Variants in HSD17B4 observed in about 807,000 individuals in gnomAD.
HSD17B4 encodes the protein hydroxysteroid 17-beta dehydrogenase 4, also known as peroxisomal multifunctional enzyme type 2.
In HSD17B4, 70 loss-of-function variants were observed where a neutral mutation model predicts 101.0. The ratio of observed to expected loss-of-function variants is 0.69; its 90% CI spans 0.57 to 0.85. The LOEUF is 0.85. Ranked by LOEUF, HSD17B4 falls within the 40% of genes least tolerant of loss-of-function variation. HSD17B4 has a pLI of 0.00. For missense variants in HSD17B4, 984 were observed against 892.4 expected (o/e 1.10, Z -1.31); for synonymous variants, 347 against 297.1 (o/e 1.17, Z -1.73).
chr5:119,536,585 T>C lies in HSD17B4; in HGVS notation c.2121+35T>C, dbSNP rs762000173. 3 of 1,605,788 alleles carry C rather than the reference T, an allele frequency of 1.9e-6. No homozygotes were observed. In the South Asian group the frequency reaches 3.3e-5, roughly 18 times the overall value. The stretch of plus-strand genomic sequence containing the variant: ...TCAAATGTTCATTTATTCATTGTTT[T>C]ATTGTTTCCTCTTTTGACAATTGCA... On this transcript the variant is annotated intron_variant, in intron 23 of 23. Transcript: ENST00000510025.
intron 2 of HSD17B4, among the ~76,000 whole-genome samples, chr5:119,465,064 G>A (rs908502248): frequency 1.3e-5 from 2 of 151,546 alleles, no homozygotes; most frequent in African/African-American, 4.9e-5. Context: ...TGGTTCCCTG[G>A]TTGTCTAGTG....
intron 9 of HSD17B4, among the ~76,000 whole-genome samples, chr5:119,490,054 A>G (rs1411862090): frequency 6.6e-6 from 1 of 152,044 alleles, no homozygotes; most frequent in Non-Finnish European, 1.5e-5. Flanking sequence ...ATCTGTGGTA[A>G]TAATGAACCT....
At chr5:119,455,574 A>C (rs968513181) in intron 1 of HSD17B4, among the ~76,000 whole-genome samples, 15 of 148,940 alleles carry the variant, frequency 1.0e-4, no homozygotes, top group African/African-American at 3.5e-4. Flanking sequence ...CTCTCTATAT[A>C]TATATATATA....
chr5:119,538,653 T>C (rs1473888697), intron 23 of HSD17B4, among the ~76,000 whole-genome samples: 1 of 152,172 alleles, frequency 6.6e-6, no homozygotes, highest in African/African-American at 2.4e-5. Context: ...ACTTGCCCCA[T>C]CACCTGTAAT....
chr5:119,535,340 T>A (rs946739908), intron 22 of HSD17B4, among the ~76,000 whole-genome samples: 2 of 152,040 alleles, frequency 1.3e-5, no homozygotes, highest in Middle Eastern at 3.4e-3. Context: ...TTATTATTCA[T>A]TACTAAAATG....
chr5:119,514,477 A>G (rs1752440837), intron 16 of HSD17B4, among the ~76,000 whole-genome samples: 1 of 152,190 alleles, frequency 6.6e-6, no homozygotes, highest in Admixed American at 6.5e-5. Context: ...TACTTTGTAG[A>G]TGTTGCAGAC....
At chr5:119,521,954 T>C (rs1753151190) in intron 17 of HSD17B4, among the ~76,000 whole-genome samples, 1 of 151,958 alleles carries the variant, frequency 6.6e-6, no homozygotes, top group East Asian at 1.9e-4. Context: ...ATTTTTATTA[T>C]ACTTTAAGTT....
Position 119,502,048 on chromosome 5 carries a change from A to T in HSD17B4, c.1217A>T (p.His406Leu), listed in dbSNP as rs745847164. The T allele has an allele frequency of 4.4e-6, 7 of 1,604,758 alleles. No individual in the cohort carries two copies. The South Asian group carries it at 7.7e-5, about 18-fold the overall frequency. ...TTGTTTACCCTAACATAGGTTCTTC[A>T]TGGAGAGCAGTACTTAGAGTTATAT... ...GLSINFAKVLHGEQYLELYKP... is the reference protein window; with the variant it reads ...GLSINFAKVLLGEQYLELYKP... Residue 406 changes from histidine to leucine, a missense_variant, in exon 14 of 24, where the codon CAT (histidine) becomes CTT (leucine). His to Leu is a moderately conservative substitution (Grantham distance 99). Transcript: ENST00000510025.
At chr5:119,534,627 A>T (rs568877609) in intron 22 of HSD17B4, among the ~76,000 whole-genome samples, 1 of 152,220 alleles carries the variant, frequency 6.6e-6, no homozygotes, top group South Asian at 2.1e-4. Context: ...CTCAACTTGG[A>T]TATAAACTAA....
chr5:119,486,282 A>G (rs542124934), intron 8 of HSD17B4, among the ~76,000 whole-genome samples: 7 of 152,296 alleles, frequency 4.6e-5, no homozygotes, highest in Middle Eastern at 3.4e-3. Flanking sequence ...TACACTGTGA[A>G]AAAGGACTAC....
chr5:119,536,594 C>G, intron 23 of HSD17B4, 44 bp downstream of exon 23: 1 of 1,599,660 alleles, frequency 6.3e-7, no homozygotes, highest in Non-Finnish European at 8.6e-7. Flanking sequence ...TTATTGTTTC[C>G]TCTTTTGACA....
At chr5:119,504,393 C>T (rs1438398517) in intron 14 of HSD17B4, among the ~76,000 whole-genome samples, 1 of 152,164 alleles carries the variant, frequency 6.6e-6, no homozygotes, top group Non-Finnish European at 1.5e-5. Flanking sequence ...TTTACATTCC[C>T]TCCAACAGTG....
At chr5:119,511,648 G>C (rs1414742066) in intron 16 of HSD17B4, among the ~76,000 whole-genome samples, 1 of 152,014 alleles carries the variant, frequency 6.6e-6, no homozygotes, top group Non-Finnish European at 1.5e-5. Flanking sequence ...TCATCGTAGG[G>C]TGACTGCACC....
intron 22 of HSD17B4, among the ~76,000 whole-genome samples, chr5:119,533,769 T>C (rs1754312057): frequency 6.6e-6 from 1 of 152,112 alleles, no homozygotes; most frequent in African/African-American, 2.4e-5. Context: ...CCAAGAACGT[T>C]GGCTTCATTC....
At chr5:119,479,869 G>A (rs557549449) in intron 8 of HSD17B4, among the ~76,000 whole-genome samples, 2 of 152,176 alleles carry the variant, frequency 1.3e-5, no homozygotes, top group Admixed American at 6.5e-5. Flanking sequence ...GTGATTGCTG[G>A]ATGGATGCTA....
chr5:119,477,894 G>T, intron 7 of HSD17B4: 1 of 192,544 alleles, frequency 5.2e-6, no homozygotes, highest in East Asian at 1.3e-4. Flanking sequence ...TGGGACTGCA[G>T]GTATGTGTCA....
At chr5:119,539,865 G>A (rs1161664897) in intron 23 of HSD17B4, among the ~76,000 whole-genome samples, 1 of 147,240 alleles carries the variant, frequency 6.8e-6, no homozygotes, top group Non-Finnish European at 1.5e-5. Context: ...CAAGGCAGGA[G>A]GATTGCTTGA....
chr5:119,491,958 C>T (rs2126751028), intron 9 of HSD17B4, 142 bp from the exon 10 acceptor site: 3 of 761,750 alleles, frequency 3.9e-6, no homozygotes, highest in Non-Finnish European at 7.2e-6. Context: ...CCAGTGGACT[C>T]TTACAGAGCT....
At chr5:119,536,219 C>G in intron 22 of HSD17B4, 1 of 516,228 alleles carries the variant, frequency 1.9e-6, no homozygotes, top group African/African-American at 1.9e-5. Flanking sequence ...ACTTCTTTAC[C>G]TCAAATTTCT....
Sources: gnomAD v4.1 joint callset for allele counts (sites outside exome capture counted in the v4.1 genomes callset) on GRCh38, gnomAD v4.1.1 for gene constraint, MANE v1.5 for transcripts, NCBI Gene and HGNC (gene_info 2026-07-23, HGNC 2026-07-21) for gene names.